Variants in PRKG1 observed in about 807,000 individuals in gnomAD.
PRKG1 encodes the protein cGMP-dependent protein kinase 1.
In PRKG1, 35 loss-of-function variants were observed where a neutral mutation model predicts 88.1. That is an observed-to-expected ratio of 0.40 (90% CI 0.30 to 0.53). The LOEUF is 0.53. Ranked by LOEUF, PRKG1 falls within the 20% of genes least tolerant of loss-of-function variation. PRKG1 has a pLI of 0.59. For synonymous variants in PRKG1, 303 were observed against 292.5 expected (o/e 1.04, Z -0.37); for missense variants, 540 against 839.8 (o/e 0.64, Z 4.41).
At chr10:51,391,509 T>C in intron 2 of PRKG1, among the ~76,000 whole-genome samples, 1 of 152,212 alleles carries the variant, frequency 6.6e-6, no homozygotes, top group African/African-American at 2.4e-5. Flanking sequence ...GGAGAGAATA[T>C]TCACACTTTG....
chr10:51,850,043 A>T (rs927278812), intron 4 of PRKG1, among the ~76,000 whole-genome samples: 1 of 140,816 alleles, frequency 7.1e-6, no homozygotes, highest in Non-Finnish European at 1.5e-5. Context: ...TCAAATAGAT[A>T]AGGATTTGAA....
chr10:51,456,116 G>A (rs781442089), intron 2 of PRKG1, among the ~76,000 whole-genome samples: 7 of 152,174 alleles, frequency 4.6e-5, no homozygotes, highest in African/African-American at 7.2e-5. Context: ...GAGCAAAGTC[G>A]CATCTCACAT....
intron 5 of PRKG1, among the ~76,000 whole-genome samples, chr10:51,979,958 G>T (rs1843963264): frequency 6.6e-6 from 1 of 151,718 alleles, no homozygotes; most frequent in Non-Finnish European, 1.5e-5. Context: ...CCTTTGAAAG[G>T]GTTTTTGTGT....
chr10:52,202,431 G>A lies in PRKG1; in HGVS notation c.1076+40468G>A, dbSNP rs1379735399. 3.3e-5 allele frequency among the ~76,000 whole-genome samples: 5 copies of A among 152,204 alleles called. No homozygotes were observed. The East Asian group carries it at 5.8e-4, about 18-fold the overall frequency. The stretch of plus-strand genomic sequence containing the variant: ...TGGTGGATTAGCTTTTTGATGTGCT[G>A]CTGGTATTTTGTTGAAAATTTTTAC... On this transcript the variant is annotated intron_variant, in intron 9 of 17. Transcript: ENST00000373980.
At chr10:52,250,580 C>T (rs762809432) in intron 9 of PRKG1, among the ~76,000 whole-genome samples, 54 of 152,262 alleles carry the variant, frequency 3.5e-4, no homozygotes, top group Admixed American at 5.2e-4. Flanking sequence ...TAGTGTAATA[C>T]TGAATCAGGT....
chr10:51,077,399 A>G (rs1468240939), intron 1 of PRKG1, among the ~76,000 whole-genome samples: 1 of 152,094 alleles, frequency 6.6e-6, no homozygotes, highest in Non-Finnish European at 1.5e-5. Flanking sequence ...CGTTCATGCT[A>G]GTTTTTGATT....
At chr10:51,766,686 A>G (rs1781823923) in intron 3 of PRKG1, among the ~76,000 whole-genome samples, 1 of 152,124 alleles carries the variant, frequency 6.6e-6, no homozygotes, top group Non-Finnish European at 1.5e-5. Context: ...CACTGATCCT[A>G]TCATGAGGGC....
intron 3 of PRKG1, among the ~76,000 whole-genome samples, chr10:51,636,307 A>G (rs1480751166): frequency 6.6e-6 from 1 of 152,246 alleles, no homozygotes; most frequent in Non-Finnish European, 1.5e-5. Flanking sequence ...GCAGTCAGCT[A>G]TATTCAAAAG....
At chr10:51,104,861 C>G (rs1364415451) in intron 1 of PRKG1, among the ~76,000 whole-genome samples, 1 of 152,050 alleles carries the variant, frequency 6.6e-6, no homozygotes, top group South Asian at 2.1e-4. Flanking sequence ...TCCCAAGTAG[C>G]TGGGATTACA....
At chr10:51,970,046 A>ACACACACACACC in intron 5 of PRKG1, among the ~76,000 whole-genome samples, 1 of 131,404 alleles carries the variant, frequency 7.6e-6, no homozygotes, top group Admixed American at 7.8e-5. Flanking sequence ...ACACACACAC[A>ACACACACACACC]CACACCCATA....
intron 9 of PRKG1, among the ~76,000 whole-genome samples, chr10:52,194,765 TA>T (rs1839462443): frequency 6.6e-6 from 1 of 152,154 alleles, no homozygotes; most frequent in South Asian, 2.1e-4. Flanking sequence ...TTGACAATAT[TA>T]AAGCACAATA....
chr10:51,489,592 C>T (rs1840652255), intron 3 of PRKG1, among the ~76,000 whole-genome samples: 1 of 152,148 alleles, frequency 6.6e-6, no homozygotes. Flanking sequence ...GATTATGTCA[C>T]AGCTATAGAC....
At chr10:51,933,183 A>C (rs1348409514) in intron 5 of PRKG1, among the ~76,000 whole-genome samples, 3 of 152,112 alleles carry the variant, frequency 2.0e-5, no homozygotes, top group African/African-American at 7.2e-5. Context: ...AGACTTTACT[A>C]AAGGGGCCTC....
intron 4 of PRKG1, among the ~76,000 whole-genome samples, chr10:51,851,081 T>A (rs1840541724): frequency 6.6e-6 from 1 of 152,132 alleles, no homozygotes; most frequent in Non-Finnish European, 1.5e-5. Flanking sequence ...CAGAAATACA[T>A]CATTAGGAGA....
At chr10:51,012,188 A>G (rs1489776138) in intron 1 of PRKG1, among the ~76,000 whole-genome samples, 1 of 152,222 alleles carries the variant, frequency 6.6e-6, no homozygotes, top group Non-Finnish European at 1.5e-5. Context: ...GAAGGAAGAC[A>G]TGATTGCAAG....
At chr10:52,146,329 A>T (rs1163228885) in intron 8 of PRKG1, among the ~76,000 whole-genome samples, 1 of 152,178 alleles carries the variant, frequency 6.6e-6, no homozygotes, top group African/African-American at 2.4e-5. Flanking sequence ...AAATAGTGAG[A>T]TAATTCTGCC....
intron 8 of PRKG1, among the ~76,000 whole-genome samples, chr10:52,140,450 T>G (rs1416129434): frequency 6.6e-6 from 1 of 152,036 alleles, no homozygotes; most frequent in African/African-American, 2.4e-5. Flanking sequence ...CTTCTGTAAC[T>G]CTTTCGCATT....
At chr10:52,106,743 A>G (rs1294732463) in intron 7 of PRKG1, among the ~76,000 whole-genome samples, 1 of 141,452 alleles carries the variant, frequency 7.1e-6, no homozygotes, top group Non-Finnish European at 1.6e-5. Flanking sequence ...AATAATAATA[A>G]TAATAAAGTA....
chr10:51,318,678 A>T (rs950912036), intron 2 of PRKG1, among the ~76,000 whole-genome samples: 1 of 152,192 alleles, frequency 6.6e-6, no homozygotes, highest in South Asian at 2.1e-4. Flanking sequence ...GGATTTAAAG[A>T]TTACTTTCAT....
Sources: allele counts gnomAD v4.1 joint callset (sites outside exome capture counted in the v4.1 genomes callset), GRCh38; gene constraint gnomAD v4.1.1; transcripts MANE v1.5; gene names NCBI Gene and HGNC (gene_info 2026-07-23, HGNC 2026-07-21).